Variants in SLC35F4 observed in about 807,000 individuals in gnomAD.
SLC35F4 encodes chromosome 14 open reading frame 36.
A neutral mutation model predicts 44.2 loss-of-function variants in SLC35F4; 24 were observed. The ratio of observed to expected loss-of-function variants is 0.54; its 90% confidence interval spans 0.39 to 0.76. The LOEUF (loss-of-function observed/expected upper bound fraction) is 0.76, where lower values mean the gene tolerates loss of function less well. SLC35F4 is among the 30% of genes least tolerant of loss of function. The pLI is 0.00. For synonymous variants in SLC35F4, 238 were observed against 223.6 expected (o/e 1.06, Z -0.57); for missense variants, 562 against 586.1 (o/e 0.96, Z 0.42).
intron 1 of SLC35F4, among the ~76,000 whole-genome samples, chr14:57,643,279 A>C (rs978225562): frequency 6.6e-6 from 1 of 152,104 alleles, no homozygotes; most frequent in African/African-American, 2.4e-5. Flanking sequence ...AGCCTGTTTA[A>C]TTATTGAGTA....
intron 1 of SLC35F4, among the ~76,000 whole-genome samples, chr14:57,887,319 G>C (rs1009685305): frequency 1.3e-5 from 2 of 152,082 alleles, no homozygotes; most frequent in African/African-American, 2.4e-5. Flanking sequence ...CAGACACTTG[G>C]GCTGCATTCA....
At chr14:57,911,201 T>G (rs1889210250) in intron 1 of SLC35F4, among the ~76,000 whole-genome samples, 1 of 152,004 alleles carries the variant, frequency 6.6e-6, no homozygotes, top group African/African-American at 2.4e-5. Flanking sequence ...AATTTTTTTG[T>G]TTTCTACATA....
At chr14:57,587,314 A>G (rs2139869487) in intron 3 of SLC35F4, among the ~76,000 whole-genome samples, 1 of 152,358 alleles carries the variant, frequency 6.6e-6, no homozygotes, top group Non-Finnish European at 1.5e-5. Context: ...CTAAAAAGAC[A>G]CACGCACACG....
At chr14:57,789,964 T>A (rs567477969) in intron 1 of SLC35F4, among the ~76,000 whole-genome samples, 2 of 152,172 alleles carry the variant, frequency 1.3e-5, no homozygotes, top group Admixed American at 1.3e-4. Context: ...GCTAAAACAC[T>A]CAAGAAACTA....
chr14:57,859,070 A>T lies in SLC35F4; in HGVS notation c.103+6653T>A, dbSNP rs183148143. On this transcript the variant is annotated intron_variant, in intron 1 of 7. Transcript: ENST00000556826. ...CAGTAAACTATAATTGCACCACTGC[A>T]CTACCAGCCTGGGTGACAGAGTAAG... Among the ~76,000 whole-genome samples the T allele has an allele frequency of 1.5e-3, 228 of 152,208 alleles. 3 individuals carry two copies. The South Asian group carries it at 0.02, about 13-fold the overall frequency.
At chr14:57,656,291 GC>G (rs59465019) in intron 1 of SLC35F4, among the ~76,000 whole-genome samples, 3,524 of 148,490 alleles carry the variant, frequency 0.024, 148 homozygotes, top group African/African-American at 0.083. Context: ...GGAGCCAGAA[GC>G]CCCCCCACAC....
chr14:57,738,541 C>T (rs1422930478), intron 1 of SLC35F4, among the ~76,000 whole-genome samples: 1 of 151,818 alleles, frequency 6.6e-6, no homozygotes, highest in Non-Finnish European at 1.5e-5. Context: ...CCCATGACTG[C>T]CCATGTTCTG....
intron 1 of SLC35F4, among the ~76,000 whole-genome samples, chr14:57,932,746 G>A (rs529507390): frequency 2.0e-5 from 3 of 152,258 alleles, no homozygotes; most frequent in African/African-American, 7.2e-5. Flanking sequence ...CTACTTGGGA[G>A]GCTGAGACAG....
intron 1 of SLC35F4, among the ~76,000 whole-genome samples, chr14:57,896,603 T>A (rs1171457302): frequency 1.3e-5 from 2 of 152,138 alleles, no homozygotes; most frequent in Non-Finnish European, 2.9e-5. Context: ...AAGCTCTTTA[T>A]CTTATGTAAA....
chr14:57,753,730 C>A (rs1214100360), intron 1 of SLC35F4, among the ~76,000 whole-genome samples: 1 of 152,160 alleles, frequency 6.6e-6, no homozygotes, highest in Non-Finnish European at 1.5e-5. Context: ...TTCTTCCAGG[C>A]TACCCAACCT....
chr14:57,772,569 T>C (rs542361217), intron 1 of SLC35F4, among the ~76,000 whole-genome samples: 2 of 152,282 alleles, frequency 1.3e-5, no homozygotes, highest in African/African-American at 4.8e-5. Context: ...TATTTCCATC[T>C]TTATATGTAC....
chr14:57,945,438 AATGTGTGT>A lies in SLC35F4; in HGVS notation n.282+36467_282+36474del, dbSNP rs1387083091. The stretch of plus-strand genomic sequence containing the variant: ...CTCTTTACCAGGTAAGAGCAATGAT[AATGTGTGT>A]GTGTGTGTGTGTGTGTGTGTGTGTG... On this transcript the variant is annotated intron_variant and non_coding_transcript_variant, in intron 1 of 1. Coordinates refer to the SLC35F4 transcript ENST00000556568. 1.2e-4 allele frequency among the ~76,000 whole-genome samples: 9 copies of A among 75,448 alleles called. 3 individuals carry two copies. The East Asian group carries it at 6.5e-3, about 55-fold the overall frequency. 49.5% of individuals were successfully genotyped at this position (75,448 alleles called of 152,430 possible).
intron 1 of SLC35F4, among the ~76,000 whole-genome samples, chr14:57,944,755 A>AAAGAAAGAAAGAAAGG (rs1566508880): frequency 6.9e-6 from 1 of 145,116 alleles, no homozygotes; most frequent in African/African-American, 2.5e-5. Flanking sequence ...AAGAAAGAAG[A>AAAGAAAGAAAGAAAGG]AAGGAAGAAA....
chr14:57,825,110 T>C (rs1029546375), intron 1 of SLC35F4, among the ~76,000 whole-genome samples: 9 of 151,960 alleles, frequency 5.9e-5, no homozygotes, highest in African/African-American at 2.2e-4. Context: ...TGTGGAGGAT[T>C]TGGAGGTGGG....
intron 4 of SLC35F4, among the ~76,000 whole-genome samples, chr14:57,573,775 G>C (rs1215430508): frequency 2.6e-5 from 4 of 152,170 alleles, no homozygotes; most frequent in Non-Finnish European, 5.9e-5. Context: ...ATGTTCACTG[G>C]TTAGTGTTCA....
intron 1 of SLC35F4, among the ~76,000 whole-genome samples, chr14:57,637,859 A>G (rs2073075367): frequency 6.6e-6 from 1 of 152,068 alleles, no homozygotes; most frequent in Non-Finnish European, 1.5e-5. Flanking sequence ...TTAAAAACTG[A>G]GTCTTGGCCA....
intron 1 of SLC35F4, among the ~76,000 whole-genome samples, chr14:57,673,588 C>G (rs1046916164): frequency 6.6e-6 from 1 of 151,982 alleles, no homozygotes; most frequent in African/African-American, 2.4e-5. Context: ...ATCCCTATTC[C>G]ACCCTCATTT....
rs1178809142 is a variant in SLC35F4, at chr14:57,855,354, C to A, written c.103+10369G>T. ...CAAATTTACAAGAAAAAAAAACAAA[C>A]AAACCCATCAAAAAGTGGGCAAAGA... On this transcript the variant is annotated intron_variant, in intron 1 of 7. Transcript: ENST00000556826. Among the ~76,000 whole-genome samples, 3 of 151,910 alleles carry A rather than the reference C, an allele frequency of 2.0e-5. No individual in the cohort carries two copies. In the South Asian group the frequency reaches 6.2e-4, roughly 32 times the overall value.
At chr14:57,672,702 G>GA (rs1181988022) in intron 1 of SLC35F4, among the ~76,000 whole-genome samples, 1 of 151,628 alleles carries the variant, frequency 6.6e-6, no homozygotes, top group Non-Finnish European at 1.5e-5. Context: ...AAACCAAAGA[G>GA]AAAAAAATTC....
Sources: gnomAD v4.1 joint callset for allele counts (sites outside exome capture counted in the v4.1 genomes callset) on GRCh38, gnomAD v4.1.1 for gene constraint, MANE v1.5 for transcripts, NCBI Gene and HGNC (gene_info 2026-07-23, HGNC 2026-07-21) for gene names.